SHROOM4: variants seen among roughly 807,000 people sequenced by gnomAD.
The protein encoded by SHROOM4 is shroom family member 4, also known as protein Shroom4.
In SHROOM4, 17 loss-of-function variants were observed where a neutral mutation model predicts 80.3. The observed-to-expected ratio is 0.21, with a 90% CI of 0.14 to 0.32. The LOEUF (loss-of-function observed/expected upper bound fraction) is 0.32. Among genes scored for constraint, SHROOM4 ranks in the 10% least tolerant of loss-of-function variants. The probability of loss-of-function intolerance (pLI) is 1.00; values close to 1 mark genes in which losing one functional copy is unlikely to be tolerated. For synonymous variants in SHROOM4, 400 were observed against 437.5 expected (o/e 0.91, Z 1.07); for missense variants, 993 against 1,140.3 (o/e 0.87, Z 1.86).
At chrX:50,791,723 G>GA (rs1294805787) in intron 1 of SHROOM4, among the ~76,000 whole-genome samples, 3 of 104,867 alleles carry the variant, frequency 2.9e-5, no homozygotes, top group Admixed American at 1.0e-4. Flanking sequence ...ACAGAAATAG[G>GA]AAAAAAAAAT....
rs1557271963 is a variant in SHROOM4, at chrX:50,795,107, T to TATATC, written c.117+18794_117+18795insGATAT. 1.4e-3 allele frequency among the ~76,000 whole-genome samples: 63 copies of TATATC among 44,385 alleles called. 12 individuals carry two copies. Among genetic ancestry groups the TATATC allele is most frequent in the African/African-American group, 6.8e-3 (62 of 9,088 alleles). 38.5% of individuals were successfully genotyped at this position (44,385 alleles called of 115,157 possible). ...ATATATGATATATATATATGATATA[T>TATATC]ATATATGATATATATATATGATATA... On this transcript the variant is annotated intron_variant, in intron 1 of 8. Transcript: ENST00000376020.
At chrX:50,774,442 T>C (rs1041142148) in intron 1 of SHROOM4, among the ~76,000 whole-genome samples, 13 of 111,612 alleles carry the variant, frequency 1.2e-4, no homozygotes, top group Non-Finnish European at 1.9e-4. Flanking sequence ...AACAGTTCCC[T>C]CTATCCCACT....
chrX:50,741,203 C>T (rs982826098), intron 1 of SHROOM4, among the ~76,000 whole-genome samples: 5 of 110,410 alleles, frequency 4.5e-5, no homozygotes, highest in East Asian at 2.8e-4. Flanking sequence ...TTTATAATAC[C>T]GGCTCTCACT....
chrX:50,617,947 C>T (rs183044032), intron 5 of SHROOM4, among the ~76,000 whole-genome samples: 157 of 111,569 alleles, frequency 1.4e-3, no homozygotes, highest in African/African-American at 4.7e-3. Flanking sequence ...GTCATTCCTT[C>T]AACAAATCCT....
At position 50,590,140 on chromosome X, in the gene SHROOM4, G is replaced by A. The variant is rs1487567424; in HGVS notation, c.*6555C>T. 9.0e-6 allele frequency among the ~76,000 whole-genome samples: 1 copy of A among 111,671 alleles called. No individual in the cohort carries two copies. Among genetic ancestry groups the A allele is most frequent in the African/African-American group, 3.3e-5 (1 of 30,682 alleles). ...CTGAAGCCCTAATCCCCAATGTGAT[G>A]GCATATGGAGGTGGGGCCTTTGAGA... On this transcript the variant is annotated 3_prime_UTR_variant, in exon 9 of 9. Transcript: ENST00000376020.
intron 1 of SHROOM4, among the ~76,000 whole-genome samples, chrX:50,764,549 AGCTAGCT>A (rs1557269181): frequency 9.0e-6 from 1 of 111,664 alleles, no homozygotes. Context: ...AGGTGATGAC[AGCTAGCT>A]GGACTTCCTT....
chrX:50,630,723 C>T (rs1175000957), intron 4 of SHROOM4, among the ~76,000 whole-genome samples: 1 of 111,507 alleles, frequency 9.0e-6, no homozygotes, highest in Non-Finnish European at 1.9e-5. Context: ...ATCTACCAAT[C>T]CATCTTAAAA....
chrX:50,754,081 T>C (rs1934982637), intron 1 of SHROOM4, among the ~76,000 whole-genome samples: 1 of 112,322 alleles, frequency 8.9e-6, no homozygotes, highest in Non-Finnish European at 1.9e-5. Context: ...TGCCCAAAGA[T>C]AGTGAAAAGC....
chrX:50,755,692 A>G (rs1935025703), intron 1 of SHROOM4, among the ~76,000 whole-genome samples: 1 of 111,833 alleles, frequency 8.9e-6, no homozygotes, highest in African/African-American at 3.3e-5. Flanking sequence ...TCAGGAGAAA[A>G]GAACTTTAGG....
At position 50,711,513 on chromosome X, in the gene SHROOM4, G is replaced by A. The variant is rs1478904881; in HGVS notation, c.118-15576C>T. Among the ~76,000 whole-genome samples, 13 of 112,001 alleles carry A rather than the reference G, an allele frequency of 1.2e-4. No homozygotes were observed. In the Admixed American group the frequency reaches 1.2e-3, roughly 11 times the overall value. On this transcript the variant is annotated intron_variant, in intron 1 of 8. Transcript: ENST00000376020. Reference sequence around the variant, plus strand: ...CGTCAGATTTTGTATTTCATTGTCTGTAAATTTTACCTCAAAAGGAAAAGA... The same window carrying A: ...CGTCAGATTTTGTATTTCATTGTCTATAAATTTTACCTCAAAAGGAAAAGA...
Position 50,695,727 on chromosome X carries a change from T to C in SHROOM4, c.269+59A>G. 6.9e-6 allele frequency: 8 copies of C among 1,156,636 alleles called. No homozygotes were observed. The South Asian group carries it at 1.4e-4, about 21-fold the overall frequency. Reference sequence around the variant, plus strand: ...ATAGAGACATGACTCTATTGAGCTTTATTACCAACCAAGTTTCAGTGGCCT... The same window carrying C: ...ATAGAGACATGACTCTATTGAGCTTCATTACCAACCAAGTTTCAGTGGCCT... On this transcript the variant is annotated intron_variant, in intron 2 of 8. Transcript: ENST00000376020.
chrX:50,596,427 G>A lies in SHROOM4; in HGVS notation c.*268C>T. Reference sequence around the variant, plus strand: ...ACTTCCTTGGTTCTCTGTGCAGCAAGTACTTGCCCTTGGCAACTGTGGGAA... The same window carrying A: ...ACTTCCTTGGTTCTCTGTGCAGCAAATACTTGCCCTTGGCAACTGTGGGAA... On this transcript the variant is annotated 3_prime_UTR_variant, in exon 9 of 9. Coordinates refer to ENST00000376020, the MANE Select transcript of SHROOM4 (RefSeq NM_020717.5). 8.2e-6 allele frequency: 4 copies of A among 489,789 alleles called. 1 individual carries two copies. The Admixed American group carries it at 1.1e-4, about 13-fold the overall frequency. The allele number at this position is 489,789 out of a possible 1,213,427, so 40.4% of individuals were successfully genotyped here.
intron 2 of SHROOM4, chrX:50,643,189 T>G (rs1429932005): frequency 9.0e-6 from 1 of 111,488 alleles, no homozygotes; most frequent in Non-Finnish European, 1.9e-5. Flanking sequence ...AGCACACACC[T>G]CATCCCATCC....
chrX:50,577,180 A>G, the SHROOM4 span, among the ~76,000 whole-genome samples: 1 of 112,275 alleles, frequency 8.9e-6, no homozygotes, highest in Non-Finnish European at 1.9e-5. Flanking sequence ...TTATTTCCTA[A>G]GAAATATTTT....
intron 1 of SHROOM4, among the ~76,000 whole-genome samples, chrX:50,783,461 T>G (rs1192282556): frequency 8.9e-6 from 1 of 112,243 alleles, no homozygotes; most frequent in East Asian, 2.8e-4. Flanking sequence ...GTTCCTAGAT[T>G]AGAAAAATCA....
chrX:50,598,921 G>A (rs1239523629), intron 7 of SHROOM4, among the ~76,000 whole-genome samples: 3 of 111,302 alleles, frequency 2.7e-5, no homozygotes, highest in African/African-American at 9.8e-5. Context: ...CGCCTCTCAG[G>A]TTCAAGCGAG....
intron 1 of SHROOM4, among the ~76,000 whole-genome samples, chrX:50,716,377 G>C (rs1933954927): frequency 1.8e-5 from 2 of 111,741 alleles, no homozygotes; most frequent in African/African-American, 6.5e-5. Flanking sequence ...ACAGGTATGT[G>C]AGGTAATGTA....
chrX:50,805,846 G>A (rs1557272988), intron 1 of SHROOM4, among the ~76,000 whole-genome samples: 1 of 111,399 alleles, frequency 9.0e-6, no homozygotes, highest in Admixed American at 9.5e-5. Flanking sequence ...GATGCAGTGT[G>A]AGGAAATTTC....
At chrX:50,656,411 AT>A (rs782198539) in intron 2 of SHROOM4, among the ~76,000 whole-genome samples, 18 of 112,138 alleles carry the variant, frequency 1.6e-4, no homozygotes, top group African/African-American at 5.8e-4. Context: ...TCTTTAATCA[AT>A]TTTGAATTGG....
Sources: gnomAD v4.1 joint callset for allele counts (sites outside exome capture counted in the v4.1 genomes callset) on GRCh38, gnomAD v4.1.1 for gene constraint, MANE v1.5 for transcripts, NCBI Gene and HGNC (gene_info 2026-07-23, HGNC 2026-07-21) for gene names.